SLCO1B1: variants seen among roughly 807,000 people sequenced by gnomAD.
SLCO1B1 encodes OATP-2.
A neutral mutation model predicts 70.1 loss-of-function variants in SLCO1B1; 81 were observed. That is an observed-to-expected ratio of 1.16 (90% CI 0.97 to 1.39). The LOEUF is 1.39. Among genes scored for constraint, SLCO1B1 ranks in the 40% most tolerant of loss-of-function variants. The pLI, the probability that SLCO1B1 is intolerant of heterozygous loss-of-function variation, is 0.00. For missense variants in SLCO1B1, 895 were observed against 799.6 expected, an observed-to-expected ratio of 1.12 and a Z score of -1.44; for synonymous variants, 283 against 271.5, an observed-to-expected ratio of 1.04 and a Z score of -0.42.
rs1056744494 is a variant in SLCO1B1, at chr12:21,163,234, A to G, written c.85-9416A>G. On this transcript the variant is annotated intron_variant, in intron 2 of 14. Coordinates refer to ENST00000256958, the MANE Select transcript of SLCO1B1 (RefSeq NM_006446.5). ...TTTTAATGACATTTCCTATATTTTC[A>G]TTCACTATGACATTGTTTTCTTTAT... Among the ~76,000 whole-genome samples the G allele has an allele frequency of 2.6e-5, 4 of 152,052 alleles. No individual in the cohort carries two copies. The East Asian group carries it at 5.8e-4, about 22-fold the overall frequency.
rs559077529 is a variant in SLCO1B1 at position 21,134,405 on chromosome 12, T to A, written c.-62+3169T>A. On this transcript the variant is annotated intron_variant, in intron 1 of 14. Transcript: ENST00000256958. ...ATTGATTGGAATAGTTTCAGAAGTATTGGTACCAGTTCCTCCTTGTACCTC... is the reference window on the plus strand; with the variant it reads ...ATTGATTGGAATAGTTTCAGAAGTAATGGTACCAGTTCCTCCTTGTACCTC... Among the ~76,000 whole-genome samples the A allele has an allele frequency of 2.7e-4, 41 of 152,250 alleles. 1 individual carries two copies. Among genetic ancestry groups the A allele is most frequent in the South Asian group, 1.7e-3 (8 of 4,830 alleles).
At chr12:21,134,149 A>T (rs1298301150) in intron 1 of SLCO1B1, among the ~76,000 whole-genome samples, 1 of 152,176 alleles carries the variant, frequency 6.6e-6, no homozygotes, top group Non-Finnish European at 1.5e-5. Flanking sequence ...TGATTTGCGT[A>T]TGTTGAACCA....
rs544664426 is a variant in SLCO1B1, at chr12:21,225,147, A to C, written c.1865+308A>C. ...TTGTATGTGAATCTTTTTTGTTTCCAAAACTCTCCTCATGTCAGTATATAT... is the reference window on the plus strand; with the variant it reads ...TTGTATGTGAATCTTTTTTGTTTCCCAAACTCTCCTCATGTCAGTATATAT... On this transcript the variant is annotated intron_variant, in intron 14 of 14. Coordinates refer to ENST00000256958, the MANE Select transcript of SLCO1B1 (RefSeq NM_006446.5). Among the ~76,000 whole-genome samples the C allele has an allele frequency of 2.0e-5, 3 of 152,230 alleles. No individual in the cohort carries two copies. In the South Asian group the frequency reaches 6.2e-4, roughly 32 times the overall value.
intron 12 of SLCO1B1, among the ~76,000 whole-genome samples, chr12:21,219,420 G>A (rs1941396867): frequency 6.6e-6 from 1 of 152,198 alleles, no homozygotes; most frequent in Non-Finnish European, 1.5e-5. Flanking sequence ...ACGTGTGTAA[G>A]GAGGAGAGAG....
intron 1 of SLCO1B1, among the ~76,000 whole-genome samples, chr12:21,132,281 T>A (rs1469135257): frequency 6.6e-6 from 1 of 152,214 alleles, no homozygotes; most frequent in Admixed American, 6.5e-5. Flanking sequence ...CTGTGAATAG[T>A]GCCGCTATAA....
At chr12:21,214,038 A>T (rs1032099135) in intron 11 of SLCO1B1, among the ~76,000 whole-genome samples, 5 of 151,994 alleles carry the variant, frequency 3.3e-5, no homozygotes, top group Admixed American at 3.3e-4. Context: ...GAGTAATTTG[A>T]TCGTCTGAAG....
chr12:21,212,707 T>C (rs1485414175), intron 11 of SLCO1B1, among the ~76,000 whole-genome samples: 6 of 116,048 alleles, frequency 5.2e-5, no homozygotes, highest in Middle Eastern at 7.9e-3. Context: ...CTAAGTCTCT[T>C]TGTAGGTCAC....
intron 7 of SLCO1B1, among the ~76,000 whole-genome samples, chr12:21,189,578 T>C (rs1397577445): frequency 6.6e-6 from 1 of 151,888 alleles, no homozygotes; most frequent in East Asian, 1.9e-4. Flanking sequence ...CTCCAGAGTA[T>C]CTGGGATTAC....
At chr12:21,149,768 G>A (rs970041890) in intron 2 of SLCO1B1, among the ~76,000 whole-genome samples, 1 of 152,166 alleles carries the variant, frequency 6.6e-6, no homozygotes, top group Non-Finnish European at 1.5e-5. Flanking sequence ...GCACAAAACT[G>A]GGTGGCTGTT....
At chr12:21,180,468 A>G (rs1940882326) in intron 7 of SLCO1B1, among the ~76,000 whole-genome samples, 1 of 152,132 alleles carries the variant, frequency 6.6e-6, no homozygotes, top group Non-Finnish European at 1.5e-5. Context: ...CTTACTTGCC[A>G]TCTCTTTACC....
chr12:21,152,659 A>G (rs1267079919), intron 2 of SLCO1B1, among the ~76,000 whole-genome samples: 3 of 150,908 alleles, frequency 2.0e-5, no homozygotes, highest in East Asian at 2.0e-4. Context: ...CTTCTGTCAC[A>G]TGGAAGACTA....
intron 2 of SLCO1B1, among the ~76,000 whole-genome samples, chr12:21,160,106 TAAAAAAAAAA>T (rs56102570): frequency 8.9e-6 from 1 of 111,996 alleles, no homozygotes; most frequent in South Asian, 3.3e-4. Context: ...TTCACAGAAC[TAAAAAAAAAA>T]AAAAAAAAAA....
chr12:21,153,584 A>T (rs1940501719), intron 2 of SLCO1B1, among the ~76,000 whole-genome samples: 1 of 152,104 alleles, frequency 6.6e-6, no homozygotes. Context: ...GTATAATTTT[A>T]TATGTGTCTG....
At chr12:21,211,831 T>C (rs1277583666) in intron 11 of SLCO1B1, among the ~76,000 whole-genome samples, 1 of 152,110 alleles carries the variant, frequency 6.6e-6, no homozygotes, top group African/African-American at 2.4e-5. Context: ...TCTTCTAGAT[T>C]TTCTAGTTTA....
At chr12:21,215,896 T>C (rs1399906853) in intron 11 of SLCO1B1, among the ~76,000 whole-genome samples, 1 of 152,136 alleles carries the variant, frequency 6.6e-6, no homozygotes, top group Non-Finnish European at 1.5e-5. Flanking sequence ...GAACTCTATA[T>C]TAGTGTTCAG....
At chr12:21,163,884 G>A (rs1591805008) in intron 2 of SLCO1B1, among the ~76,000 whole-genome samples, 1 of 151,808 alleles carries the variant, frequency 6.6e-6, no homozygotes, top group South Asian at 2.1e-4. Flanking sequence ...ACAATGAATG[G>A]GTTTGCCCAG....
chr12:21,189,609 G>C (rs993787995), intron 7 of SLCO1B1, among the ~76,000 whole-genome samples: 4 of 151,930 alleles, frequency 2.6e-5, no homozygotes, highest in Admixed American at 2.6e-4. Context: ...ACCACACCTG[G>C]CTAATTTTTG....
chr12:21,195,151 A>G (rs1941076295), intron 7 of SLCO1B1, among the ~76,000 whole-genome samples: 1 of 152,206 alleles, frequency 6.6e-6, no homozygotes, highest in African/African-American at 2.4e-5. Flanking sequence ...CCAAGTCTTC[A>G]TGGACTGGTA....
intron 1 of SLCO1B1, among the ~76,000 whole-genome samples, chr12:21,132,719 AT>A (rs1399159377): frequency 6.6e-6 from 1 of 151,924 alleles, no homozygotes; most frequent in African/African-American, 2.4e-5. Flanking sequence ...TTCATTGTAG[AT>A]TTTGGGTATT....
Sources: allele counts gnomAD v4.1 joint callset (sites outside exome capture counted in the v4.1 genomes callset), GRCh38; gene constraint gnomAD v4.1.1; transcripts MANE v1.5; gene names NCBI Gene and HGNC (gene_info 2026-07-23, HGNC 2026-07-21).